The following IRF2 variants were observed in gnomAD, a reference collection of about 807,000 sequenced individuals.
IRF2 encodes the protein interferon regulatory factor 2.
A neutral mutation model predicts 40.6 loss-of-function variants in IRF2; 15 were observed. The observed-to-expected ratio is 0.37, with a 90% CI of 0.25 to 0.57. The LOEUF (loss-of-function observed/expected upper bound fraction) is 0.57. IRF2 is among the 20% of genes least tolerant of loss of function. The pLI, the probability that IRF2 is intolerant of heterozygous loss-of-function variation, is 0.77. For missense variants in IRF2, 317 were observed against 455.7 expected (o/e 0.70, Z 2.77); for synonymous variants, 151 against 165.5 (o/e 0.91, Z 0.67).
Position 184,462,913 on chromosome 4 carries a change from A to G in IRF2, c.-7+11466T>C, listed in dbSNP as rs887476694. On this transcript the variant is annotated intron_variant, in intron 1 of 8. Transcript: ENST00000393593. ...CCTTTGCTTTACAGCTGAAAATCAA[A>G]TAAACTAATATTTATCTAGGTCTTA... is the stretch of plus-strand genomic sequence containing the variant. Among the ~76,000 whole-genome samples, 4 of 152,260 alleles carry G rather than the reference A, an allele frequency of 2.6e-5. 1 individual carries two copies. The highest frequency in any genetic ancestry group is 2.6e-4 in the Admixed American group (4 of 15,284).
intron 7 of IRF2, among the ~76,000 whole-genome samples, chr4:184,392,942 GA>G: frequency 6.6e-6 from 1 of 152,260 alleles, no homozygotes; most frequent in Non-Finnish European, 1.5e-5. Flanking sequence ...GAGACCCAGA[GA>G]AGCCCTCAGC....
At chr4:184,424,008 T>C (rs756440734) in intron 2 of IRF2, among the ~76,000 whole-genome samples, 15 of 152,212 alleles carry the variant, frequency 9.9e-5, no homozygotes, top group Non-Finnish European at 2.1e-4. Flanking sequence ...AATGCCCTTA[T>C]GTCTTACAAT....
chr4:184,466,278 T>C (rs1739316355), intron 1 of IRF2, among the ~76,000 whole-genome samples: 1 of 152,142 alleles, frequency 6.6e-6, no homozygotes, highest in Non-Finnish European at 1.5e-5. Flanking sequence ...CTTGAACTCC[T>C]GACCTCAGGA....
chr4:184,431,342 T>C (rs60669785), intron 1 of IRF2, among the ~76,000 whole-genome samples: 98 of 152,280 alleles, frequency 6.4e-4, no homozygotes, highest in African/African-American at 2.3e-3. Flanking sequence ...AAAGATGACA[T>C]TCCCTGCCAT....
At chr4:184,409,768 C>T (rs1353820339) in intron 5 of IRF2, among the ~76,000 whole-genome samples, 2 of 152,072 alleles carry the variant, frequency 1.3e-5, no homozygotes, top group African/African-American at 2.4e-5. Context: ...GTGGTGCACG[C>T]CTCTTGTCCT....
chr4:184,414,186 C>T (rs1737179591), intron 5 of IRF2, among the ~76,000 whole-genome samples: 1 of 152,228 alleles, frequency 6.6e-6, no homozygotes, highest in Non-Finnish European at 1.5e-5. Context: ...TTGGAATCAG[C>T]TCAAAAATAT....
intron 6 of IRF2, chr4:184,407,032 G>A (rs1415163328): frequency 4.9e-6 from 2 of 406,162 alleles, no homozygotes; most frequent in African/African-American, 4.2e-5. Context: ...AGCAATCTTT[G>A]CTTTATTAAA....
intron 1 of IRF2, among the ~76,000 whole-genome samples, chr4:184,459,136 A>ATAATT (rs1739043743): frequency 6.6e-6 from 1 of 152,116 alleles, no homozygotes; most frequent in African/African-American, 2.4e-5. Flanking sequence ...AAGCAGACAG[A>ATAATT]GCAGCCGCAA....
At chr4:184,421,893 C>G (rs1170591372) in intron 2 of IRF2, among the ~76,000 whole-genome samples, 2 of 152,130 alleles carry the variant, frequency 1.3e-5, no homozygotes, top group African/African-American at 4.8e-5. Context: ...CTCAAAATCT[C>G]GTGTTAAAAT....
At chr4:184,432,368 A>G (rs56150503) in intron 1 of IRF2, among the ~76,000 whole-genome samples, 64,624 of 152,150 alleles carry the variant, frequency 0.42, 14,462 homozygotes, top group East Asian at 0.57. Flanking sequence ...CACAGGCTAC[A>G]GAGTGCGACA....
intron 7 of IRF2, among the ~76,000 whole-genome samples, chr4:184,394,230 G>A (rs570366252): frequency 1.2e-3 from 179 of 152,244 alleles, no homozygotes; most frequent in African/African-American, 3.9e-3. Flanking sequence ...GGAAGGGGAG[G>A]ATTTGGATTA....
intron 2 of IRF2, 53 bp downstream of exon 2, chr4:184,428,925 G>A: frequency 7.3e-7 from 1 of 1,367,024 alleles, no homozygotes; most frequent in East Asian, 2.3e-5. Context: ...GTCCGCATGG[G>A]CGTGTTTCAG....
chr4:184,472,966 G>C (rs1015820293), intron 1 of IRF2, among the ~76,000 whole-genome samples: 1 of 152,184 alleles, frequency 6.6e-6, no homozygotes, highest in Non-Finnish European at 1.5e-5. Context: ...GGGAGACGCC[G>C]GCGCGTGCTG....
At chr4:184,431,017 T>A (rs747315868) in intron 1 of IRF2, among the ~76,000 whole-genome samples, 12 of 152,188 alleles carry the variant, frequency 7.9e-5, no homozygotes, top group Non-Finnish European at 1.5e-4. Flanking sequence ...CTTTTGCTAG[T>A]CCTACAAAGC....
chr4:184,455,764 A>T (rs1014409534), intron 1 of IRF2, among the ~76,000 whole-genome samples: 2 of 152,152 alleles, frequency 1.3e-5, no homozygotes, highest in East Asian at 1.9e-4. Flanking sequence ...CTAAAAAAAA[A>T]TTTTACTATT....
At chr4:184,418,766 A>C in intron 3 of IRF2, 58 bp from the exon 4 acceptor site, 1 of 1,441,466 alleles carries the variant, frequency 6.9e-7, no homozygotes, top group Non-Finnish European at 9.6e-7. Flanking sequence ...CAGAGGAAGG[A>C]ATTTCTGGAA....
At chr4:184,439,763 T>A (rs554554687) in intron 1 of IRF2, among the ~76,000 whole-genome samples, 1 of 152,346 alleles carries the variant, frequency 6.6e-6, no homozygotes, top group South Asian at 2.1e-4. Flanking sequence ...ACCTTGTCTC[T>A]GACCACAGAC....
intron 2 of IRF2, among the ~76,000 whole-genome samples, chr4:184,424,586 T>C (rs1281845313): frequency 2.0e-5 from 3 of 152,158 alleles, no homozygotes; most frequent in Non-Finnish European, 2.9e-5. Context: ...CCGGGTGATA[T>C]CCTGCACTGC....
chr4:184,437,621 G>A (rs1453621690), intron 1 of IRF2, among the ~76,000 whole-genome samples: 1 of 152,166 alleles, frequency 6.6e-6, no homozygotes, highest in African/African-American at 2.4e-5. Context: ...AGATGAGGAG[G>A]CAGGACTTGA....
Sources: gnomAD v4.1 joint callset for allele counts (sites outside exome capture counted in the v4.1 genomes callset) on GRCh38, gnomAD v4.1.1 for gene constraint, MANE v1.5 for transcripts, NCBI Gene and HGNC (gene_info 2026-07-23, HGNC 2026-07-21) for gene names.